Variants in DLG2 observed in about 807,000 individuals in gnomAD.
DLG2 encodes the protein discs large MAGUK scaffold protein 2, also known as disks large homolog 2.
Under a neutral mutation model 132.5 loss-of-function variants are expected in DLG2, and 45 were observed. The observed-to-expected ratio is 0.34, with a 90% confidence interval of 0.27 to 0.44. The LOEUF is 0.44. Among genes scored for constraint, DLG2 ranks in the 20% least tolerant of loss-of-function variants. DLG2 has a pLI of 1.00. For missense variants in DLG2, 1,045 were observed against 1,196.9 expected (o/e 0.87, Z 1.87); for synonymous variants, 424 against 419.6 (o/e 1.01, Z -0.13).
At chr11:84,897,149 T>C (rs1025744567) in intron 6 of DLG2, among the ~76,000 whole-genome samples, 1 of 151,786 alleles carries the variant, frequency 6.6e-6, no homozygotes, top group African/African-American at 2.4e-5. Context: ...TACATATATA[T>C]ATATATATAC....
chr11:83,543,966 C>A (rs977489600), intron 19 of DLG2, among the ~76,000 whole-genome samples: 1 of 152,270 alleles, frequency 6.6e-6, no homozygotes, highest in South Asian at 2.1e-4. Context: ...ATCATTTATA[C>A]TGAACACCTG....
At chr11:83,815,473 T>C (rs2048606296) in intron 17 of DLG2, among the ~76,000 whole-genome samples, 1 of 152,146 alleles carries the variant, frequency 6.6e-6, no homozygotes, top group Admixed American at 6.6e-5. Flanking sequence ...GAAGGTTGGT[T>C]AAGGGCCAGC....
intron 4 of DLG2, among the ~76,000 whole-genome samples, chr11:85,167,636 T>C (rs954005182): frequency 1.3e-5 from 2 of 152,038 alleles, no homozygotes; most frequent in African/African-American, 2.4e-5. Context: ...TTAGATCATA[T>C]CTCTTTTGCC....
At chr11:83,871,695 T>C (rs1397509369) in intron 16 of DLG2, among the ~76,000 whole-genome samples, 1 of 152,222 alleles carries the variant, frequency 6.6e-6, no homozygotes, top group Non-Finnish European at 1.5e-5. Flanking sequence ...ATTTTTGTGT[T>C]CTGGACTTTG....
At chr11:83,780,867 A>T (rs2094788807) in intron 18 of DLG2, among the ~76,000 whole-genome samples, 1 of 152,198 alleles carries the variant, frequency 6.6e-6, no homozygotes, top group Admixed American at 6.5e-5. Context: ...GACTTTGCCC[A>T]GTTCTCCAGG....
intron 6 of DLG2, among the ~76,000 whole-genome samples, chr11:85,050,605 C>T (rs908303734): frequency 7.2e-5 from 11 of 152,050 alleles, no homozygotes; most frequent in African/African-American, 1.9e-4. Context: ...CAATGTTGGA[C>T]GAGTACATGT....
At chr11:85,522,428 G>C (rs746260219) in intron 3 of DLG2, among the ~76,000 whole-genome samples, 13 of 152,176 alleles carry the variant, frequency 8.5e-5, no homozygotes, top group African/African-American at 3.1e-4. Flanking sequence ...TGTGGGGTTG[G>C]AGCCCCCATA....
chr11:84,653,434 A>G (rs1565568987), intron 6 of DLG2, among the ~76,000 whole-genome samples: 1 of 152,198 alleles, frequency 6.6e-6, no homozygotes, highest in East Asian at 1.9e-4. Context: ...AAGTCTCCTT[A>G]CATAGTCAGT....
chr11:85,494,443 A>G (rs1436286288), intron 3 of DLG2, among the ~76,000 whole-genome samples: 1 of 152,148 alleles, frequency 6.6e-6, no homozygotes, highest in African/African-American at 2.4e-5. Flanking sequence ...AAACAAAACC[A>G]CTATCTTTAT....
intron 6 of DLG2, among the ~76,000 whole-genome samples, chr11:84,974,370 C>G (rs1341913313): frequency 6.6e-6 from 1 of 152,190 alleles, no homozygotes; most frequent in Non-Finnish European, 1.5e-5. Context: ...AATCCCAGTT[C>G]AGCCAGTTAC....
At chr11:84,041,904 T>G (rs2096093549) in intron 11 of DLG2, among the ~76,000 whole-genome samples, 2 of 151,906 alleles carry the variant, frequency 1.3e-5, no homozygotes, top group Middle Eastern at 3.2e-3. Context: ...TGAATGAGTC[T>G]CATGAGATCT....
chr11:84,106,815 GT>G (rs1194741716), intron 9 of DLG2, among the ~76,000 whole-genome samples: 12 of 7,820 alleles, frequency 1.5e-3, no homozygotes, highest in African/African-American at 2.9e-3. Context: ...ATTATTATCT[GT>G]GTGTGTGTGT....
rs932922132 is a variant in DLG2 at position 83,458,093 on chromosome 11, T to C, written c.*1725A>G. The C allele has an allele frequency of 2.6e-5, 4 of 152,542 alleles. No homozygotes were observed. Among genetic ancestry groups the C allele is most frequent in the Non-Finnish European group, 1.5e-5 (1 of 68,036 alleles). The allele number at this position is 152,542 out of a possible 1,614,324, so 9.4% of individuals were successfully genotyped here. Reference sequence around the variant, plus strand: ...CTCTCCTACCCAGCCTACATGCTGGTTTGCTGCACAGTGTGGCAGAATCCC... The same window carrying C: ...CTCTCCTACCCAGCCTACATGCTGGCTTGCTGCACAGTGTGGCAGAATCCC... On this transcript the variant is annotated 3_prime_UTR_variant, in exon 28 of 28. Coordinates refer to ENST00000376104, the MANE Select transcript of DLG2 (RefSeq NM_001142699.3).
intron 24 of DLG2, among the ~76,000 whole-genome samples, chr11:83,471,047 A>T (rs1052804261): frequency 6.6e-6 from 1 of 152,088 alleles, no homozygotes; most frequent in Non-Finnish European, 1.5e-5. Context: ...CTACAATCAG[A>T]GGGACCAGAA....
intron 6 of DLG2, among the ~76,000 whole-genome samples, chr11:85,073,109 A>C (rs1252030595): frequency 6.6e-6 from 1 of 151,912 alleles, no homozygotes. Flanking sequence ...ATATTTCAAA[A>C]TTTTAAAAAT....
At chr11:84,392,473 C>T (rs535065605) in intron 7 of DLG2, among the ~76,000 whole-genome samples, 1 of 152,220 alleles carries the variant, frequency 6.6e-6, no homozygotes, top group African/African-American at 2.4e-5. Flanking sequence ...TAGTATTTGT[C>T]TTGTAGGTTG....
chr11:84,975,486 TG>T (rs2054766614), intron 6 of DLG2, among the ~76,000 whole-genome samples: 2 of 152,174 alleles, frequency 1.3e-5, no homozygotes, highest in Admixed American at 1.3e-4. Flanking sequence ...ACACATTTTG[TG>T]ATCATGAGAA....
At chr11:85,196,349 A>T (rs911913456) in intron 4 of DLG2, among the ~76,000 whole-genome samples, 6 of 152,364 alleles carry the variant, frequency 3.9e-5, no homozygotes, top group African/African-American at 1.4e-4. Context: ...TCCTTTATTT[A>T]AATTCTCTAT....
chr11:83,865,947 T>C (rs917298599), intron 16 of DLG2, among the ~76,000 whole-genome samples: 2 of 152,156 alleles, frequency 1.3e-5, no homozygotes, highest in African/African-American at 2.4e-5. Flanking sequence ...TGTGCAGCCA[T>C]TGATAATGAC....
Sources: gnomAD v4.1 joint callset for allele counts (sites outside exome capture counted in the v4.1 genomes callset) on GRCh38, gnomAD v4.1.1 for gene constraint, MANE v1.5 for transcripts, NCBI Gene and HGNC (gene_info 2026-07-23, HGNC 2026-07-21) for gene names.